PCDHGB1: variants seen among roughly 807,000 people sequenced by gnomAD.
The protein encoded by PCDHGB1 is protocadherin gamma-B1.
PCDHGB1 carries 34 observed loss-of-function variants against 56.6 expected under a neutral mutation model. The observed-to-expected ratio is 0.60, with a 90% CI of 0.46 to 0.80. The LOEUF is 0.80. PCDHGB1 is among the 30% of genes least tolerant of loss of function. The pLI, the probability that PCDHGB1 is intolerant of heterozygous loss-of-function variation, is 0.00. For synonymous variants in PCDHGB1, 561 were observed against 505.9 expected (o/e 1.11, Z -1.46); for missense variants, 1,278 against 1,204.6 (o/e 1.06, Z -0.90).
chr5:141,489,458 G>A lies in PCDHGB1; in HGVS notation c.2410-5349G>A, dbSNP rs143138320. 3.5e-5 allele frequency: 56 copies of A among 1,614,042 alleles called. No homozygotes were observed. The highest frequency in any genetic ancestry group is 8.0e-5 in the African/African-American group (6 of 75,052). ...CAATTGGGCTCTGAGGAGAATGGGC[G>A]CTATTTTTCCCTGAGCTTGATGAGT... is the stretch of plus-strand genomic sequence containing the variant. On this transcript the variant is annotated intron_variant, in intron 1 of 3. Transcript: ENST00000523390. This position sits in a 1 kb window ranked among gnomAD's most constrained non-coding sequence, Gnocchi z 4.5.
At chr5:141,504,709 C>G (rs11743102) in intron 2 of PCDHGB1, among the ~76,000 whole-genome samples, 29,287 of 151,306 alleles carry the variant, frequency 0.19, 2,876 homozygotes, top group Middle Eastern at 0.24. Context: ...CTTCTATGGC[C>G]GTGGATTTTA....
At chr5:141,394,833 G>A (rs867584109) in intron 1 of PCDHGB1, 1 of 1,613,848 alleles carries the variant, frequency 6.2e-7, no homozygotes, top group South Asian at 1.1e-5. Flanking sequence ...AGTCCTGACC[G>A]AGTTGGGCAG....
At chr5:141,404,620 T>C in intron 1 of PCDHGB1, 2 of 1,614,162 alleles carry the variant, frequency 1.2e-6, no homozygotes, top group Non-Finnish European at 1.7e-6. Context: ...TGGACCAGAA[T>C]GACAATGCCC....
At chr5:141,427,825 C>T (rs1342117815) in intron 1 of PCDHGB1, 2 of 1,536,464 alleles carry the variant, frequency 1.3e-6, no homozygotes, top group Non-Finnish European at 1.8e-6. Flanking sequence ...GTGGTGGTCG[C>T]GCAGCGTGCC....
intron 1 of PCDHGB1, chr5:141,360,901 C>A (rs375994239): frequency 1.9e-6 from 3 of 1,614,024 alleles, no homozygotes; most frequent in Non-Finnish European, 2.5e-6. Context: ...GGAGGACGTG[C>A]CGCCGGGCTT....
chr5:141,485,674 T>C lies in PCDHGB1; in HGVS notation c.2410-9133T>C. 1 of 1,612,986 alleles carries C rather than the reference T, an allele frequency of 6.2e-7. No homozygotes were observed. Among genetic ancestry groups the C allele is most frequent in the South Asian group, 1.1e-5 (1 of 91,072 alleles). Reference sequence around the variant, plus strand: ...ATGCAGATGTGGGGAGCAATTCGATTAGCAGCTATAGGCTGAGCTCCAATG... The same window carrying C: ...ATGCAGATGTGGGGAGCAATTCGATCAGCAGCTATAGGCTGAGCTCCAATG... On this transcript the variant is annotated intron_variant, in intron 1 of 3. Transcript: ENST00000523390. This position sits in a 1 kb window ranked among gnomAD's most constrained non-coding sequence, Gnocchi z 5.7.
intron 1 of PCDHGB1, chr5:141,398,274 C>G (rs1323516270): frequency 7.1e-7 from 1 of 1,416,776 alleles, no homozygotes; most frequent in African/African-American, 1.5e-5. Context: ...TAGTGGGGAA[C>G]CTCGCCACGG....
rs141605264 is a variant in PCDHGB1, at chr5:141,479,755, A to C, written c.2410-15052A>C. The C allele has an allele frequency of 2.6e-3, 390 of 152,364 alleles. 2 individuals are homozygous for C. The highest frequency in any genetic ancestry group is 9.1e-3 in the African/African-American group (378 of 41,580). 9.4% of individuals were successfully genotyped at this position (152,364 alleles called of 1,614,324 possible). On this transcript the variant is annotated intron_variant, in intron 1 of 3. Coordinates refer to ENST00000523390, the MANE Select transcript of PCDHGB1 (RefSeq NM_018922.3). ...AGTATATGCACAATGTGAAAGGTAG[A>C]TAAATTCATATCCTTAGACAGGTAA...
In PCDHGB1 at chr5:141,511,999, C is replaced by G. The variant is rs1049440139; in HGVS notation, c.*826C>G. ...GTGGATGGTGGGGGCATGGACAAAG[C>G]TTGACACATCAAGTTATCAAGGCCT... is the stretch of plus-strand genomic sequence containing the variant. On this transcript the variant is annotated 3_prime_UTR_variant, in exon 4 of 4. Coordinates refer to ENST00000523390, the MANE Select transcript of PCDHGB1 (RefSeq NM_018922.3). 6.5e-6 allele frequency: 1 copy of G among 153,016 alleles called. No individual in the cohort carries two copies. Among genetic ancestry groups the G allele is most frequent in the Non-Finnish European group, 1.5e-5 (1 of 68,392 alleles). The allele number at this position is 153,016 out of a possible 1,614,324, so 9.5% of individuals were successfully genotyped here. A position where few individuals can be genotyped will look rare whatever the true frequency, so the allele number is the denominator to read the frequency against.
intron 2 of PCDHGB1, among the ~76,000 whole-genome samples, chr5:141,501,236 G>T (rs571684337): frequency 5.5e-4 from 83 of 150,782 alleles, no homozygotes; most frequent in African/African-American, 2.0e-3. Context: ...TCAGTTTTTT[G>T]AGCATGATGT....
At chr5:141,442,754 T>C (rs2098341364) in intron 1 of PCDHGB1, among the ~76,000 whole-genome samples, 1 of 152,220 alleles carries the variant, frequency 6.6e-6, no homozygotes, top group Non-Finnish European at 1.5e-5. Flanking sequence ...GTTTTGATTA[T>C]ATATATTTGT....
chr5:141,372,580 C>T (rs1363878149), intron 1 of PCDHGB1: 1 of 1,614,038 alleles, frequency 6.2e-7, no homozygotes, highest in Non-Finnish European at 8.5e-7. Flanking sequence ...TACTTTCAGC[C>T]TGGTGTCTGC....
rs1333992954 is a variant in PCDHGB1, at chr5:141,352,300, C to A, written c.2040C>A (p.Pro680=). 2 of 1,613,972 alleles carry A rather than the reference C, an allele frequency of 1.2e-6. No individual in the cohort carries two copies. Among genetic ancestry groups the A allele is most frequent in the Non-Finnish European group, 1.7e-6 (2 of 1,179,918 alleles). The change falls in exon 1 of 4, where the codon CCC becomes CCA. Residue 680 remains proline (P), a synonymous_variant. Coordinates refer to ENST00000523390, the MANE Select transcript of PCDHGB1 (RefSeq NM_018922.3). ...GCGACCGCCCTGAGCCCTCTGACCC[C>A]CAGACGGAACTGCAGTTTTACCTGG... is the stretch of plus-strand genomic sequence containing the variant. The part of the protein sequence containing the change: ...DLSDRPEPSD[P]QTELQFYLVV...
intron 1 of PCDHGB1, chr5:141,365,218 C>T: frequency 1.2e-6 from 2 of 1,613,898 alleles, no homozygotes; most frequent in Non-Finnish European, 1.7e-6. Context: ...AACTTGATTC[C>T]AACCTGGGGG....
intron 1 of PCDHGB1, among the ~76,000 whole-genome samples, chr5:141,402,436 A>G (rs1441746239): frequency 2.6e-5 from 4 of 152,178 alleles, no homozygotes; most frequent in African/African-American, 9.6e-5. Flanking sequence ...GCATCATAAA[A>G]AGGAAATTAT....
chr5:141,365,757 C>A lies in PCDHGB1; in HGVS notation c.2409+13088C>A, dbSNP rs1331087585. The A allele has an allele frequency of 1.9e-6, 3 of 1,613,830 alleles. No individual in the cohort carries two copies. The East Asian group carries it at 6.7e-5, about 36-fold the overall frequency. ...GGTGTCTCTATCTTCTCTGTGACAG[C>A]CCATGACCCCGACAGCGGCGACAAC... On this transcript the variant is annotated intron_variant, in intron 1 of 3. Transcript: ENST00000523390.
At chr5:141,391,305 T>G (rs2092341171) in intron 1 of PCDHGB1, 1 of 151,546 alleles carries the variant, frequency 6.6e-6, no homozygotes, top group Non-Finnish European at 1.5e-5. Context: ...GTCTTTCGAT[T>G]CTTTTTTTTT....
chr5:141,377,373 A>G (rs1416774435), intron 1 of PCDHGB1: 1 of 152,200 alleles, frequency 6.6e-6, no homozygotes, highest in Non-Finnish European at 1.5e-5. Context: ...CAGGAGGCTG[A>G]GGCAGGAGGA....
chr5:141,355,787 T>C (rs1176744852), intron 1 of PCDHGB1: 1 of 1,613,614 alleles, frequency 6.2e-7, no homozygotes, highest in East Asian at 2.2e-5. Flanking sequence ...GAGCTGGTGC[T>C]GGAACGCGCT....
Sources: allele counts gnomAD v4.1 joint callset (sites outside exome capture counted in the v4.1 genomes callset), GRCh38; gene constraint gnomAD v4.1.1; non-coding constraint Gnocchi (gnomAD v3.1); transcripts MANE v1.5; gene names NCBI Gene and HGNC (gene_info 2026-07-23, HGNC 2026-07-21).